Variants in KIFC2 observed in about 807,000 individuals in gnomAD.
The protein encoded by KIFC2 is kinesin family member C2, also known as kinesin-like protein KIFC2.
KIFC2 carries 94 observed loss-of-function variants against 91.5 expected under a neutral mutation model. That is an observed-to-expected ratio of 1.03 (90% CI 0.87 to 1.22). The LOEUF (loss-of-function observed/expected upper bound fraction) is 1.22. KIFC2 is among the 50% of genes most tolerant of loss of function. The pLI is 0.00. For synonymous variants in KIFC2, 729 were observed against 503.9 expected (o/e 1.45, Z -5.98); for missense variants, 1,357 against 1,103.3 (o/e 1.23, Z -3.26).
intron 1 of KIFC2, 118 bp downstream of exon 1, chr8:144,466,636 C>G (rs991886464): frequency 1.1e-4 from 108 of 954,764 alleles, no homozygotes; most frequent in Non-Finnish European, 1.4e-4. Flanking sequence ...GCCGAGGACC[C>G]TCGGCTCGGC....
At position 144,473,888 on chromosome 8, in the gene KIFC2, T is replaced by A. The variant is rs1158819501; in HGVS notation, c.*499T>A. 1.5e-5 allele frequency: 6 copies of A among 406,222 alleles called. No individual in the cohort carries two copies. Among genetic ancestry groups the A allele is most frequent in the Non-Finnish European group, 2.7e-5 (6 of 226,154 alleles). 25.2% of individuals were successfully genotyped at this position (406,222 alleles called of 1,614,324 possible). Reference sequence around the variant, plus strand: ...CTTCAGGCTGGATCCACCACTGGGCTCTCCCTCCCCCAGCCTGGAGCACGG... The same window carrying A: ...CTTCAGGCTGGATCCACCACTGGGCACTCCCTCCCCCAGCCTGGAGCACGG... On this transcript the variant is annotated 3_prime_UTR_variant, in exon 18 of 18. Coordinates refer to ENST00000645548, the MANE Select transcript of KIFC2 (RefSeq NM_001369769.2).
intron 7 of KIFC2, 52 bp downstream of exon 7, chr8:144,468,039 C>G (rs765451617): frequency 6.7e-7 from 1 of 1,484,988 alleles, no homozygotes; most frequent in Non-Finnish European, 8.9e-7. Flanking sequence ...CTCTTGCACA[C>G]CTGGCATGCA....
rs769214708 is a variant in KIFC2, at chr8:144,472,841, G to A, written c.1908G>A (p.Lys636=). 3.2e-6 allele frequency: 5 copies of A among 1,560,242 alleles called. No homozygotes were observed. In the East Asian group the frequency reaches 7.2e-5, roughly 23 times the overall value. The part of the protein sequence containing the change: ...VDLAGSERAR[K]AGAAGPPRGD... ...TGGCGGGATCCGAACGCGCACGGAA[G>A]GCAGGGGCGGCCGGCCCGCCGCGGG... The change falls in exon 17 of 18, where the codon AAG becomes AAA. Residue 636 remains lysine, a synonymous_variant. Coordinates refer to ENST00000645548, the MANE Select transcript of KIFC2 (RefSeq NM_001369769.2).
Position 144,467,369 on chromosome 8 carries a change from G to C in KIFC2, c.469+28G>C, listed in dbSNP as rs367799663. 1.9e-5 allele frequency: 29 copies of C among 1,566,930 alleles called. No individual in the cohort carries two copies. In the Admixed American group the frequency reaches 2.7e-4, roughly 15 times the overall value. On this transcript the variant is annotated intron_variant, in intron 4 of 17. Transcript: ENST00000645548. ...GAGTAAAGGACAGTAAGTTGAAGAA[G>C]AACTCTGGAGGGAGCAAATCCCGGT...
Position 144,473,745 on chromosome 8 carries a change from A to C in KIFC2, c.*356A>C. ...TCAGGCATGGCATTAAAACGTTGCA[A>C]ATTCCTTTACTGTTATCCCCCCCAC... is the stretch of plus-strand genomic sequence containing the variant. On this transcript the variant is annotated 3_prime_UTR_variant, in exon 18 of 18. Transcript: ENST00000645548. 1 of 412,482 alleles carries C rather than the reference A, an allele frequency of 2.4e-6. No individual in the cohort carries two copies. The highest frequency in any genetic ancestry group is 4.3e-6 in the Non-Finnish European group (1 of 232,524). 25.6% of individuals were successfully genotyped at this position (412,482 alleles called of 1,614,324 possible). A position where few individuals can be genotyped will look rare whatever the true frequency, so the allele number is the denominator to read the frequency against.
chr8:144,467,701 T>C lies in KIFC2; in HGVS notation c.616-13T>C, dbSNP rs776908628. On this transcript the variant is annotated splice_polypyrimidine_tract_variant and intron_variant, in intron 5 of 17. Transcript: ENST00000645548. ...AAAAGGAGGTCCACCCTGTCTCTCTTACTTCTCCCCAGCTGGAGGAGCTGA... is the reference window on the plus strand; with the variant it reads ...AAAAGGAGGTCCACCCTGTCTCTCTCACTTCTCCCCAGCTGGAGGAGCTGA... 2 of 1,613,588 alleles carry C rather than the reference T, an allele frequency of 1.2e-6. No individual in the cohort carries two copies. The highest frequency in any genetic ancestry group is 1.7e-6 in the Non-Finnish European group (2 of 1,179,850).
upstream of KIFC2, chr8:144,466,289 A>G (rs1398588836): frequency 4.4e-6 from 1 of 226,802 alleles, no homozygotes; most frequent in Admixed American, 5.8e-5. Flanking sequence ...CTCGCCTTCC[A>G]GCCGTGGGAG....
intron 4 of KIFC2, 43 bp from the exon 5 acceptor site, chr8:144,467,442 A>G: frequency 1.3e-6 from 2 of 1,540,312 alleles, no homozygotes; most frequent in Non-Finnish European, 1.7e-6. Context: ...GAAGATTTGG[A>G]CTAGAGACCT....
intron 12 of KIFC2, 83 bp downstream of exon 12, chr8:144,469,730 G>C: frequency 1.1e-5 from 16 of 1,468,962 alleles, no homozygotes; most frequent in Non-Finnish European, 1.4e-5. Context: ...CCCCTTCCCA[G>C]TCTGGGTGTC....
rs1398841939 is a variant in KIFC2 at position 144,473,475 on chromosome 8, A to C, written c.*86A>C. On this transcript the variant is annotated 3_prime_UTR_variant, in exon 18 of 18. Coordinates refer to ENST00000645548, the MANE Select transcript of KIFC2 (RefSeq NM_001369769.2). ...GTAAAGTCCCTGTACCCCGTCTCCC[A>C]GGGCACAAGCTCCCTAGCCTCTTTG... The C allele has an allele frequency of 6.9e-7, 1 of 1,457,110 alleles. No individual in the cohort carries two copies. Among genetic ancestry groups the C allele is most frequent in the Non-Finnish European group, 9.0e-7 (1 of 1,107,476 alleles). 90.3% of individuals were successfully genotyped at this position (1,457,110 alleles called of 1,614,324 possible). A position where few individuals can be genotyped will look rare whatever the true frequency, so the allele number is the denominator to read the frequency against.
At position 144,466,789 on chromosome 8, in the gene KIFC2, C is replaced by T; in HGVS notation, c.129C>T (p.Arg43=). Residue 43 remains arginine, a synonymous_variant, in exon 2 of 18, where the codon CGC becomes CGT. Coordinates refer to ENST00000645548, the MANE Select transcript of KIFC2 (RefSeq NM_001369769.2). The part of the protein sequence containing the change: ...QRARKPRGRR[R]PDLPAPELWT... ...CCCGCAAGCCCCGGGGTCGCCGGCG[C>T]CCAGACCTGCCCGCGCCAGAGCTGT... 1 of 1,534,840 alleles carries T rather than the reference C, an allele frequency of 6.5e-7. No homozygotes were observed. The highest frequency in any genetic ancestry group is 8.7e-7 in the Non-Finnish European group (1 of 1,147,722).
At position 144,466,687 on chromosome 8, in the gene KIFC2, C is replaced by A. The variant is rs1459240091; in HGVS notation, c.100-73C>A. ...GTAGACTTCGGCCCCAATCCTCCGG[C>A]CCGGTTCGCGGAGGGAAGGGGCCAG... On this transcript the variant is annotated intron_variant, in intron 1 of 17. Coordinates refer to ENST00000645548, the MANE Select transcript of KIFC2 (RefSeq NM_001369769.2). The A allele has an allele frequency of 3.1e-6, 4 of 1,293,052 alleles. No homozygotes were observed. The African/African-American group carries it at 6.3e-5, about 20-fold the overall frequency. The allele number at this position is 1,293,052 out of a possible 1,614,324, so 80.1% of individuals were successfully genotyped here.
At position 144,466,990 on chromosome 8, in the gene KIFC2, C is replaced by G; in HGVS notation, c.210C>G (p.Gly70=). The G allele has an allele frequency of 6.3e-7, 1 of 1,596,752 alleles. No individual in the cohort carries two copies. The highest frequency in any genetic ancestry group is 8.5e-7 in the Non-Finnish European group (1 of 1,176,520). ...CCGAGCCTGAGGATGGGTCGGAAGG[C>G]GCAGCCGAGGGCCGCGCGGCCGCGG... ...ASSEPEDGSE[G]AAEGRAAAVS... is the part of the protein sequence containing the mutation. Residue 70 remains glycine (G), a synonymous_variant, in exon 3 of 18, where the codon GGC becomes GGG. Coordinates refer to ENST00000645548, the MANE Select transcript of KIFC2 (RefSeq NM_001369769.2).
Position 144,469,296 on chromosome 8 carries a change from C to A in KIFC2, c.1139C>A (p.Ser380Ter). The A allele has an allele frequency of 6.2e-7, 1 of 1,602,696 alleles. No homozygotes were observed. Among genetic ancestry groups the A allele is most frequent in the South Asian group, 1.1e-5 (1 of 89,090 alleles). The change falls in exon 11 of 18, where the codon TCA becomes TAA. Residue 380 changes from serine (S) to a stop codon, truncating the protein, a stop_gained. Transcript: ENST00000645548. LOFTEE classifies it high-confidence loss of function. ...GTGTCCTGGGCCTTGGGGGCACTGTCATCTGGAGGGCCTGGCACTCAGCTC... is the reference window on the plus strand; with the variant it reads ...GTGTCCTGGGCCTTGGGGGCACTGTAATCTGGAGGGCCTGGCACTCAGCTC... ...GQVSWALGAL[S>*]SGGPGTQLPE...
chr8:144,472,050 G>T lies in KIFC2; in HGVS notation c.1485+4G>T, dbSNP rs773095626. Reference sequence around the variant, plus strand: ...CGGGAAGACCTACAGCATGGAGGTGGGACAGAGCTCACGCCCCAGTGGGAG... The same window carrying T: ...CGGGAAGACCTACAGCATGGAGGTGTGACAGAGCTCACGCCCCAGTGGGAG... On this transcript the variant is annotated splice_donor_region_variant and intron_variant, in intron 13 of 17. Transcript: ENST00000645548. 6.2e-7 allele frequency: 1 copy of T among 1,613,468 alleles called. No individual in the cohort carries two copies. The highest frequency in any genetic ancestry group is 8.5e-7 in the Non-Finnish European group (1 of 1,179,986).
rs535998933 is a variant in KIFC2, at chr8:144,467,127, G to C, written c.330+17G>C. On this transcript the variant is annotated intron_variant, in intron 3 of 17. Coordinates refer to ENST00000645548, the MANE Select transcript of KIFC2 (RefSeq NM_001369769.2). The stretch of plus-strand genomic sequence containing the variant: ...CTGGGCCAGGTGAGCGCGGCGGAGG[G>C]GGCTGCTGGCAGGTACCACCTGCCC... The C allele has an allele frequency of 6.2e-7, 1 of 1,608,980 alleles. No homozygotes were observed. The highest frequency in any genetic ancestry group is 2.2e-5 in the East Asian group (1 of 44,838).
rs1331952078 is a variant in KIFC2 at position 144,467,694 on chromosome 8, T to G, written c.616-20T>G. The G allele has an allele frequency of 3.3e-5, 53 of 1,612,982 alleles. No individual in the cohort carries two copies. Among genetic ancestry groups the G allele is most frequent in the Non-Finnish European group, 4.2e-5 (49 of 1,179,602 alleles). On this transcript the variant is annotated intron_variant, in intron 5 of 17. Coordinates refer to ENST00000645548, the MANE Select transcript of KIFC2 (RefSeq NM_001369769.2). ...CGCCAGAAAAAGGAGGTCCACCCTGTCTCTCTTACTTCTCCCCAGCTGGAG... is the reference window on the plus strand; with the variant it reads ...CGCCAGAAAAAGGAGGTCCACCCTGGCTCTCTTACTTCTCCCCAGCTGGAG...
rs1027750819 is a variant in KIFC2 at position 144,473,947 on chromosome 8, G to A, written c.*558G>A. ...GTGACGGCTGGTGACTGATGGATGG[G>A]TAGTGGGCTGAGAAGAGGGGACTAG... On this transcript the variant is annotated 3_prime_UTR_variant, in exon 18 of 18. Transcript: ENST00000645548. 1 of 485,394 alleles carries A rather than the reference G, an allele frequency of 2.1e-6. No individual in the cohort carries two copies. The highest frequency in any genetic ancestry group is 3.7e-6 in the Non-Finnish European group (1 of 273,880). 30.1% of individuals were successfully genotyped at this position (485,394 alleles called of 1,614,324 possible).
At chr8:144,469,113 CAAT>C (rs1335232970) in intron 10 of KIFC2, among the ~76,000 whole-genome samples, 155 bp from the exon 11 acceptor site, 4 of 152,200 alleles carry the variant, frequency 2.6e-5, no homozygotes, top group Admixed American at 6.5e-5. Context: ...TGGGGTTACT[CAAT>C]GATGTCCCCA....
Sources: allele counts gnomAD v4.1 joint callset (sites outside exome capture counted in the v4.1 genomes callset), GRCh38; gene constraint gnomAD v4.1.1; transcripts MANE v1.5; gene names NCBI Gene and HGNC (gene_info 2026-07-23, HGNC 2026-07-21).